The following DECR1 variants were observed in gnomAD, a reference collection of about 807,000 sequenced individuals.
The protein encoded by DECR1 is 2,4-dienoyl-CoA reductase 1.
Under a neutral mutation model 38.8 loss-of-function variants are expected in DECR1, and 44 were observed. The observed-to-expected ratio is 1.13, with a 90% confidence interval of 0.89 to 1.46. The LOEUF is 1.46. DECR1 is among the 40% of genes most tolerant of loss of function. The pLI is 0.00. For synonymous variants in DECR1, 148 were observed against 135.2 expected (o/e 1.09, Z -0.66); for missense variants, 428 against 405.5 (o/e 1.06, Z -0.48).
At chr8:90,033,572 T>G (rs866372553) in intron 5 of DECR1, among the ~76,000 whole-genome samples, 20 of 152,294 alleles carry the variant, frequency 1.3e-4, no homozygotes, top group Admixed American at 3.9e-4. Flanking sequence ...AAGCCGATAA[T>G]TGTTTCACCT....
In DECR1 at chr8:90,053,006, G is replaced by T. The variant is rs1050394755; in HGVS notation, c.*1109G>T. ...TAAATTACATTTATTACATTTAATT[G>T]TGTATATATAGGGGATGTTATAGGT... On this transcript the variant is annotated 3_prime_UTR_variant, in exon 10 of 10. Coordinates refer to ENST00000220764, the MANE Select transcript of DECR1 (RefSeq NM_001359.2). Among the ~76,000 whole-genome samples, 2 of 152,068 alleles carry T rather than the reference G, an allele frequency of 1.3e-5. No individual in the cohort carries two copies. The highest frequency in any genetic ancestry group is 2.9e-5 in the Non-Finnish European group (2 of 68,026).
chr8:90,042,790 T>A lies in DECR1; in HGVS notation c.728T>A (p.Ile243Lys). Reference sequence around the variant, plus strand: ...TTCAATGTGATTCAACCAGGGCCTATAAAAACCAAAGTAAGTTGTATTTTG... The same window carrying A: ...TTCAATGTGATTCAACCAGGGCCTAAAAAAACCAAAGTAAGTTGTATTTTG... ...MRFNVIQPGP[I>K]KTKGAFSRLD... Residue 243 changes from isoleucine to lysine, a missense_variant, in exon 7 of 10, where the codon ATA becomes AAA. Coordinates refer to ENST00000220764, the MANE Select transcript of DECR1 (RefSeq NM_001359.2). 6.2e-7 allele frequency: 1 copy of A among 1,613,244 alleles called. No individual in the cohort carries two copies. Among genetic ancestry groups the A allele is most frequent in the Non-Finnish European group, 8.5e-7 (1 of 1,179,320 alleles).
intron 8 of DECR1, among the ~76,000 whole-genome samples, chr8:90,048,961 C>G (rs1269288336): frequency 6.6e-6 from 1 of 152,164 alleles, no homozygotes; most frequent in African/African-American, 2.4e-5. Context: ...TCAATAGATG[C>G]AGAAAAGGCC....
intron 5 of DECR1, among the ~76,000 whole-genome samples, chr8:90,034,427 T>C (rs913763746): frequency 6.6e-6 from 1 of 151,036 alleles, no homozygotes; most frequent in African/African-American, 2.4e-5. Context: ...CCTTTATTTG[T>C]TTATTTATTT....
intron 5 of DECR1, among the ~76,000 whole-genome samples, chr8:90,036,252 A>T (rs1218158344): frequency 6.6e-6 from 1 of 151,946 alleles, no homozygotes; most frequent in African/African-American, 2.4e-5. Flanking sequence ...TGTGAATGCC[A>T]TTTTCTGCTT....
In DECR1 at chr8:90,051,911, TTCA is replaced by T; in HGVS notation, c.*17_*19del. On this transcript the variant is annotated 3_prime_UTR_variant, in exon 10 of 10. Transcript: ENST00000220764. ...AAAGGTTCCTAAGACCACTTTGGCCTTCATCTTGGTTACAGAAAAGGGAATAGA... is the reference window on the plus strand; with the variant it reads ...AAAGGTTCCTAAGACCACTTTGGCCTTCTTGGTTACAGAAAAGGGAATAGA... The T allele has an allele frequency of 6.2e-7, 1 of 1,610,444 alleles. No homozygotes were observed.
chr8:90,028,630 T>G (rs2130096805), intron 5 of DECR1, among the ~76,000 whole-genome samples: 1 of 152,224 alleles, frequency 6.6e-6, no homozygotes, highest in Non-Finnish European at 1.5e-5. Context: ...TGAAATATTC[T>G]TTTTAAAGAC....
intron 1 of DECR1, among the ~76,000 whole-genome samples, chr8:90,008,236 G>A (rs919103210): frequency 6.6e-6 from 1 of 152,164 alleles, no homozygotes; most frequent in Non-Finnish European, 1.5e-5. Flanking sequence ...CACTCTGCAT[G>A]CAGCCACTTA....
chr8:90,005,187 A>C, intron 1 of DECR1: 1 of 376,308 alleles, frequency 2.7e-6, no homozygotes, highest in Non-Finnish European at 5.2e-6. Context: ...GAAGTATGGG[A>C]ACAGAGAGAA....
intron 1 of DECR1, among the ~76,000 whole-genome samples, chr8:90,014,160 G>T (rs564551141): frequency 2.0e-5 from 3 of 152,082 alleles, no homozygotes; most frequent in South Asian, 2.1e-4. Context: ...TTATATTTTT[G>T]AAAAAAACTT....
intron 5 of DECR1, among the ~76,000 whole-genome samples, chr8:90,028,079 A>C (rs1813399553): frequency 2.6e-5 from 4 of 151,992 alleles, no homozygotes. Context: ...ATTTGAGGGG[A>C]GTTTATATGC....
intron 8 of DECR1, 27 bp downstream of exon 8, chr8:90,045,022 T>A (rs752383256): frequency 3.7e-6 from 6 of 1,613,280 alleles, no homozygotes; most frequent in Non-Finnish European, 5.1e-6. Context: ...TCTCTTCACT[T>A]TTTTTTCAGG....
rs1358179148 is a variant in DECR1, at chr8:90,052,729, T to G, written c.*832T>G. Among the ~76,000 whole-genome samples the G allele has an allele frequency of 6.6e-6, 1 of 152,234 alleles. No homozygotes were observed. Among genetic ancestry groups the G allele is most frequent in the Non-Finnish European group, 1.5e-5 (1 of 68,038 alleles). ...GATTAAATTTCATCTTTGGTTTGAC[T>G]AATTTGTCATCCTGAAAATCAAATA... On this transcript the variant is annotated 3_prime_UTR_variant, in exon 10 of 10. Coordinates refer to ENST00000220764, the MANE Select transcript of DECR1 (RefSeq NM_001359.2).
chr8:90,011,097 A>T (rs992132015), intron 1 of DECR1, among the ~76,000 whole-genome samples: 4 of 152,230 alleles, frequency 2.6e-5, no homozygotes, highest in African/African-American at 9.6e-5. Flanking sequence ...CAACATATGT[A>T]TGAAGATATC....
intron 1 of DECR1, 147 bp from the exon 2 acceptor site, chr8:90,016,977 T>G: frequency 1.6e-6 from 1 of 617,818 alleles, no homozygotes; most frequent in South Asian, 2.0e-5. Flanking sequence ...CAAAGAATAA[T>G]AATTAAGTAC....
chr8:90,011,325 T>C (rs963639905), intron 1 of DECR1, among the ~76,000 whole-genome samples: 7 of 152,212 alleles, frequency 4.6e-5, no homozygotes, highest in Admixed American at 2.6e-4. Flanking sequence ...TTTTGTAATA[T>C]AGATGTGCTC....
At chr8:90,036,803 C>A in intron 5 of DECR1, 38 bp from the exon 6 acceptor site, 1 of 1,311,144 alleles carries the variant, frequency 7.6e-7, no homozygotes, top group Non-Finnish European at 1.1e-6. Flanking sequence ...AGTGATACAT[C>A]TATATTGCTA....
intron 5 of DECR1, among the ~76,000 whole-genome samples, chr8:90,030,229 T>C (rs1012679270): frequency 3.9e-5 from 6 of 152,120 alleles, no homozygotes; most frequent in Non-Finnish European, 5.9e-5. Flanking sequence ...CACCTACTGC[T>C]CACTTCTTGC....
At chr8:90,041,869 T>C (rs138453656) in intron 6 of DECR1, among the ~76,000 whole-genome samples, 2 of 152,258 alleles carry the variant, frequency 1.3e-5, no homozygotes, top group African/African-American at 4.8e-5. Flanking sequence ...TCTTTCCTTC[T>C]TCCTTTCAAA....
Sources: allele counts gnomAD v4.1 joint callset (sites outside exome capture counted in the v4.1 genomes callset), GRCh38; gene constraint gnomAD v4.1.1; transcripts MANE v1.5; gene names NCBI Gene and HGNC (gene_info 2026-07-23, HGNC 2026-07-21).